Variants in ITPR1 observed in about 807,000 individuals in gnomAD.
ITPR1 encodes the protein inositol 1,4,5-trisphosphate-gated calcium channel ITPR1.
A neutral mutation model predicts 318.4 loss-of-function variants in ITPR1; 96 were observed. The observed-to-expected ratio is 0.30, with a 90% CI of 0.26 to 0.36. ITPR1 has a LOEUF of 0.36. Among genes scored for constraint, ITPR1 ranks in the 10% least tolerant of loss-of-function variants. ITPR1 has a pLI of 1.00. For missense variants in ITPR1, 2,440 were observed against 3,460.2 expected, an observed-to-expected ratio of 0.71 and a Z score of 7.40; for synonymous variants, 1,312 against 1,289.9, an observed-to-expected ratio of 1.02 and a Z score of -0.37.
At position 4,663,157 on chromosome 3, in the gene ITPR1, C is replaced by A; in HGVS notation, c.1505C>A (p.Pro502His). The A allele has an allele frequency of 5.6e-6, 9 of 1,613,688 alleles. No individual in the cohort carries two copies. Among genetic ancestry groups the A allele is most frequent in the Non-Finnish European group, 7.6e-6 (9 of 1,179,744 alleles). ...QDVLEVVFSK[P>H]NRERQKLMRE... The stretch of plus-strand genomic sequence containing the variant: ...GTTCTCGAAGTTGTCTTCTCCAAGC[C>A]CAACAGAGAACGGCAGAAACTGATG... Residue 502 changes from proline to histidine, a missense_variant, in exon 16 of 62, where the codon CCC (proline) becomes CAC (histidine). Transcript: ENST00000649015.
chr3:4,732,976 G>A (rs574590600), intron 42 of ITPR1, 112 bp from the exon 43 acceptor site: 220 of 1,033,602 alleles, frequency 2.1e-4, no homozygotes, highest in Non-Finnish European at 3.1e-4. Flanking sequence ...TTATTCTTTC[G>A]CCAAGTGAAA....
chr3:4,504,376 T>G (rs2081256900), intron 2 of ITPR1, among the ~76,000 whole-genome samples: 1 of 152,212 alleles, frequency 6.6e-6, no homozygotes, highest in African/African-American at 2.4e-5. Context: ...GATTTACAGC[T>G]GCTGTTTCTG....
intron 4 of ITPR1, among the ~76,000 whole-genome samples, chr3:4,612,233 TA>T (rs532037021): frequency 8.0e-4 from 121 of 152,114 alleles, no homozygotes; most frequent in Admixed American, 2.2e-3. Context: ...GGCTAATTTT[TA>T]TACATTTAGT....
chr3:4,749,702 A>G (rs536600358), intron 44 of ITPR1: 1 of 152,574 alleles, frequency 6.6e-6, no homozygotes, highest in East Asian at 1.9e-4. Context: ...CGTTTCTTGA[A>G]GAATGCTTGC....
intron 4 of ITPR1, among the ~76,000 whole-genome samples, chr3:4,588,881 C>T (rs1309854951): frequency 6.6e-6 from 1 of 152,158 alleles, no homozygotes; most frequent in Non-Finnish European, 1.5e-5. Context: ...ACATCTTAGC[C>T]ATCTGAGTCC....
At chr3:4,784,332 C>T (rs1002320389) in intron 51 of ITPR1, among the ~76,000 whole-genome samples, 13 of 152,012 alleles carry the variant, frequency 8.6e-5, no homozygotes, top group South Asian at 4.1e-4. Flanking sequence ...TAACAGCAAG[C>T]GAAAGCCCAG....
At chr3:4,650,253 G>C (rs2093562409) in intron 10 of ITPR1, among the ~76,000 whole-genome samples, 1 of 152,114 alleles carries the variant, frequency 6.6e-6, no homozygotes, top group Non-Finnish European at 1.5e-5. Context: ...CAGACTTCTG[G>C]GTCATGTAGG....
intron 48 of ITPR1, among the ~76,000 whole-genome samples, chr3:4,778,156 G>A (rs2046599093): frequency 6.6e-6 from 1 of 152,202 alleles, no homozygotes; most frequent in African/African-American, 2.4e-5. Context: ...AGTATACCCA[G>A]AAAACCCTCC....
At chr3:4,516,605 T>C in intron 3 of ITPR1, 22 bp downstream of exon 3, 2 of 1,442,512 alleles carry the variant, frequency 1.4e-6, no homozygotes, top group Non-Finnish European at 1.9e-6. Context: ...CAATTTCTTG[T>C]GTGGCACGGT....
intron 38 of ITPR1, chr3:4,711,486 C>T (rs1484156303): frequency 1.4e-5 from 5 of 356,290 alleles, no homozygotes; most frequent in Admixed American, 8.7e-5. Flanking sequence ...ACCTCTGTCT[C>T]GGTTCTCCTC....
intron 3 of ITPR1, among the ~76,000 whole-genome samples, chr3:4,518,476 T>C (rs148402923): frequency 6.6e-6 from 1 of 152,346 alleles, no homozygotes; most frequent in East Asian, 1.9e-4. Flanking sequence ...TTTTCTCAGT[T>C]GCTTGCACAT....
chr3:4,722,376 C>A (rs1354518198), intron 40 of ITPR1, among the ~76,000 whole-genome samples: 1 of 152,106 alleles, frequency 6.6e-6, no homozygotes, highest in East Asian at 1.9e-4. Context: ...GGTCCTGGGA[C>A]TAAGCAGGAA....
intron 15 of ITPR1, 25 bp from the exon 16 acceptor site, chr3:4,663,040 C>A: frequency 1.2e-6 from 2 of 1,611,236 alleles, no homozygotes; most frequent in South Asian, 2.2e-5. Flanking sequence ...ACACATCTGT[C>A]TCTAATAGCG....
At chr3:4,835,438 G>A (rs559423702) in intron 60 of ITPR1, among the ~76,000 whole-genome samples, 3 of 152,266 alleles carry the variant, frequency 2.0e-5, no homozygotes, top group South Asian at 4.1e-4. Context: ...TGTTTGGGGG[G>A]TATAACGGAG....
intron 55 of ITPR1, among the ~76,000 whole-genome samples, chr3:4,806,975 G>C (rs1037889000): frequency 6.6e-6 from 1 of 151,830 alleles, no homozygotes; most frequent in Non-Finnish European, 1.5e-5. Context: ...GCATAAAACT[G>C]ACCTATCTGC....
chr3:4,641,331 A>AT (rs1396841013), intron 6 of ITPR1, among the ~76,000 whole-genome samples: 3 of 152,122 alleles, frequency 2.0e-5, no homozygotes, highest in Non-Finnish European at 2.9e-5. Flanking sequence ...AATTCAAGCC[A>AT]TTTTTTCCAA....
chr3:4,608,501 G>C (rs186871940), intron 4 of ITPR1, among the ~76,000 whole-genome samples: 1 of 152,156 alleles, frequency 6.6e-6, no homozygotes, highest in African/African-American at 2.4e-5. Flanking sequence ...TCTCAAGAAG[G>C]ATAGGGAGGA....
intron 4 of ITPR1, among the ~76,000 whole-genome samples, chr3:4,558,207 T>C (rs569593973): frequency 1.3e-5 from 2 of 152,258 alleles, no homozygotes; most frequent in South Asian, 2.1e-4. Context: ...AGCTACCCAA[T>C]AGAATGCCTG....
In ITPR1 at chr3:4,684,355, C is replaced by T. The variant is rs564799796; in HGVS notation, c.3564+9C>T. On this transcript the variant is annotated intron_variant, in intron 29 of 61. Transcript: ENST00000649015. ...ACAGAGTGGTCAAAGAGGTAAGCTCCTCCCCCACCACCATTTTTCCTTTCT... is the reference window on the plus strand; with the variant it reads ...ACAGAGTGGTCAAAGAGGTAAGCTCTTCCCCCACCACCATTTTTCCTTTCT... 2.0e-5 allele frequency: 32 copies of T among 1,596,900 alleles called. No individual in the cohort carries two copies. The highest frequency in any genetic ancestry group is 3.3e-5 in the Admixed American group (2 of 59,748).
Sources: allele counts gnomAD v4.1 joint callset (sites outside exome capture counted in the v4.1 genomes callset), GRCh38; gene constraint gnomAD v4.1.1; transcripts MANE v1.5; gene names NCBI Gene and HGNC (gene_info 2026-07-23, HGNC 2026-07-21).